FGGY: variants seen among roughly 807,000 people sequenced by gnomAD.
FGGY encodes FGGY carbohydrate kinase domain containing, also known as FGGY carbohydrate kinase domain-containing protein.
In FGGY, 72 loss-of-function variants were observed where a neutral mutation model predicts 71.3. That is an observed-to-expected ratio of 1.01 (90% CI 0.84 to 1.23). FGGY has a LOEUF of 1.23. Ranked by LOEUF, FGGY falls within the 50% of genes most tolerant of loss-of-function variation. FGGY has a pLI of 0.00. For missense variants in FGGY, 668 were observed against 682.3 expected (o/e 0.98, Z 0.23); for synonymous variants, 251 against 250.3 (o/e 1.00, Z -0.02).
At chr1:59,598,050 C>T (rs1396240091) in intron 8 of FGGY, among the ~76,000 whole-genome samples, 1 of 152,222 alleles carries the variant, frequency 6.6e-6, no homozygotes, top group Non-Finnish European at 1.5e-5. Context: ...CCTGCACCCA[C>T]TCTGCCCCAC....
Position 59,491,283 on chromosome 1 carries a change from A to G in FGGY, c.671-21028A>G, listed in dbSNP as rs1570041318. 2.0e-5 allele frequency among the ~76,000 whole-genome samples: 3 copies of G among 150,430 alleles called. No homozygotes were observed. In the South Asian group the frequency reaches 6.3e-4, roughly 32 times the overall value. ...GAATGTCATTGGTATTTTGATAGGG[A>G]TTACGTTGAGTGTGTAGGTTGCTTT... On this transcript the variant is annotated intron_variant, in intron 6 of 15. Transcript: ENST00000303721.
chr1:59,326,955 A>G (rs76142735), intron 2 of FGGY, among the ~76,000 whole-genome samples: 2,086 of 152,364 alleles, frequency 0.014, 18 homozygotes, highest in Middle Eastern at 0.037. Context: ...AAAAAAGTAT[A>G]TAACTTAATT....
At chr1:59,402,800 ATTAT>A (rs1318705589) in intron 5 of FGGY, among the ~76,000 whole-genome samples, 2 of 152,168 alleles carry the variant, frequency 1.3e-5, no homozygotes, top group Admixed American at 1.3e-4. Context: ...CCTTGGGAGG[ATTAT>A]TTGGCAAAAC....
intron 6 of FGGY, among the ~76,000 whole-genome samples, chr1:59,483,726 T>C (rs539851543): frequency 9.1e-4 from 138 of 152,262 alleles, no homozygotes; most frequent in African/African-American, 3.2e-3. Flanking sequence ...ATTTTTAGCC[T>C]ATGGTGACAG....
intron 7 of FGGY, among the ~76,000 whole-genome samples, chr1:59,527,177 T>C (rs1488925683): frequency 6.6e-6 from 1 of 152,222 alleles, no homozygotes; most frequent in Non-Finnish European, 1.5e-5. Flanking sequence ...TGGATGATCT[T>C]CCATTAAAGT....
Position 59,512,314 on chromosome 1 carries a change from A to T in FGGY, c.674A>T (p.Asn225Ile), listed in dbSNP as rs1191516233. 2.5e-6 allele frequency: 4 copies of T among 1,606,692 alleles called. No individual in the cohort carries two copies. The African/African-American group carries it at 5.4e-5, about 22-fold the overall frequency. The change falls in exon 7 of 16, where the codon AAC becomes ATC. Residue 225 changes from asparagine to isoleucine, a missense_variant. Asn to Ile is a moderately radical substitution (Grantham distance 149). Transcript: ENST00000303721. ...FVADNYSKIG[N>I]QVLPPGASLG... ...GTTTTTTCTCATGTCTACCCAGGAAACCAAGTGCTACCTCCTGGAGCTTCT... is the reference window on the plus strand; with the variant it reads ...GTTTTTTCTCATGTCTACCCAGGAATCCAAGTGCTACCTCCTGGAGCTTCT...
chr1:59,379,741 A>G (rs2059153526), intron 5 of FGGY, among the ~76,000 whole-genome samples: 1 of 152,168 alleles, frequency 6.6e-6, no homozygotes, highest in Non-Finnish European at 1.5e-5. Flanking sequence ...CTTAAAACAC[A>G]AACACATTAT....
rs114296524 is a variant in FGGY at position 59,454,231 on chromosome 1, C to A, written c.555-2730C>A. Among the ~76,000 whole-genome samples the A allele has an allele frequency of 8.1e-3, 1,240 of 152,246 alleles. 14 individuals carry two copies. Among genetic ancestry groups the A allele is most frequent in the African/African-American group, 0.028 (1,160 of 41,548 alleles). ...GGGACATCTGGGGATTTAGGAGTTA[C>A]CCTGTGTGATTGGATCATTGGAAAC... is the stretch of plus-strand genomic sequence containing the variant. On this transcript the variant is annotated intron_variant, in intron 5 of 15. Transcript: ENST00000303721.
rs531086880 is a variant in FGGY at position 59,624,343 on chromosome 1, T to A, written c.1012-1645T>A. ...CCTTGGGCAAGATATTCAATCTCTT[T>A]GAGCTCAGTTTCCTCATCTCCATAA... On this transcript the variant is annotated intron_variant, in intron 9 of 15. Coordinates refer to ENST00000303721, the MANE Select transcript of FGGY (RefSeq NM_018291.5). 1.4e-4 allele frequency among the ~76,000 whole-genome samples: 21 copies of A among 152,184 alleles called. No homozygotes were observed. The South Asian group carries it at 3.9e-3, about 29-fold the overall frequency.
intron 9 of FGGY, among the ~76,000 whole-genome samples, chr1:59,621,843 G>T (rs2096811270): frequency 6.6e-6 from 1 of 151,886 alleles, no homozygotes; most frequent in African/African-American, 2.4e-5. Flanking sequence ...CTTTCACCAA[G>T]TTTGGGAAAT....
chr1:59,639,296 A>C (rs1462146008), intron 11 of FGGY, among the ~76,000 whole-genome samples: 2 of 152,224 alleles, frequency 1.3e-5, no homozygotes, highest in Non-Finnish European at 2.9e-5. Context: ...AGATTGTTTT[A>C]AATATTTTTA....
chr1:59,434,843 A>G (rs2068085130), intron 5 of FGGY, among the ~76,000 whole-genome samples: 1 of 152,096 alleles, frequency 6.6e-6, no homozygotes, highest in Admixed American at 6.6e-5. Context: ...AGGAATTTTG[A>G]GGGGGGGATA....
intron 5 of FGGY, among the ~76,000 whole-genome samples, chr1:59,419,604 T>C (rs1319420341): frequency 1.3e-5 from 2 of 152,164 alleles, no homozygotes; most frequent in Admixed American, 1.3e-4. Context: ...AAACTCGCTG[T>C]GGCCTTGGAA....
At chr1:59,594,969 A>T (rs1407187261) in intron 8 of FGGY, among the ~76,000 whole-genome samples, 1 of 152,184 alleles carries the variant, frequency 6.6e-6, no homozygotes, top group East Asian at 1.9e-4. Flanking sequence ...CTCTCTGTAA[A>T]CACACAAGAA....
chr1:59,634,406 GA>G (rs950941089), intron 10 of FGGY, among the ~76,000 whole-genome samples: 2 of 151,884 alleles, frequency 1.3e-5, no homozygotes, highest in Admixed American at 6.6e-5. Flanking sequence ...ACTCTGTCTG[GA>G]AAAAAAGAAA....
At chr1:59,359,176 TTAA>T (rs1194385536) in intron 4 of FGGY, among the ~76,000 whole-genome samples, 2 of 152,234 alleles carry the variant, frequency 1.3e-5, no homozygotes, top group African/African-American at 2.4e-5. Flanking sequence ...CATTATTTTC[TTAA>T]TAATGACTTT....
intron 5 of FGGY, among the ~76,000 whole-genome samples, chr1:59,416,690 G>A (rs779720513): frequency 7.9e-5 from 12 of 152,136 alleles, no homozygotes; most frequent in Admixed American, 4.6e-4. Context: ...ATCTCTGGAC[G>A]TTACATTCTC....
chr1:59,469,180 A>C (rs1409898495), intron 6 of FGGY, among the ~76,000 whole-genome samples: 1 of 152,246 alleles, frequency 6.6e-6, no homozygotes, highest in Non-Finnish European at 1.5e-5. Context: ...CAGAGCCCAC[A>C]GGCCTGAGTA....
At chr1:59,717,759 G>A (rs866606317) in intron 14 of FGGY, among the ~76,000 whole-genome samples, 19 of 152,164 alleles carry the variant, frequency 1.2e-4, no homozygotes, top group East Asian at 3.8e-4. Flanking sequence ...GAAGAAGGAC[G>A]GAAAAGGCAA....
Sources: allele counts gnomAD v4.1 joint callset (sites outside exome capture counted in the v4.1 genomes callset), GRCh38; gene constraint gnomAD v4.1.1; transcripts MANE v1.5; gene names NCBI Gene and HGNC (gene_info 2026-07-23, HGNC 2026-07-21).